The following BET1 variants were observed in gnomAD, a reference collection of about 807,000 sequenced individuals.
The protein encoded by BET1 is Bet1 golgi vesicular membrane trafficking protein, also known as BET1 homolog.
In BET1, 9 loss-of-function variants were observed where a neutral mutation model predicts 13.9. That is an observed-to-expected ratio of 0.65 (90% confidence interval 0.39 to 1.13). BET1 has a LOEUF of 1.13. BET1 is among the 50% of genes most tolerant of loss of function. BET1 has a pLI of 0.01. For missense variants in BET1, 127 were observed against 133.6 expected, an observed-to-expected ratio of 0.95 and a Z score of 0.24; for synonymous variants, 39 against 47.3, an observed-to-expected ratio of 0.82 and a Z score of 0.72.
chr7:93,991,001 A>G (rs1584139585), downstream of BET1, among the ~76,000 whole-genome samples: 1 of 152,176 alleles, frequency 6.6e-6, no homozygotes, highest in East Asian at 1.9e-4. Context: ...GACAAGGTGA[A>G]TTACTTGGCT....
At position 93,983,322 on chromosome 7, in the gene BET1, C is replaced by T. The variant is rs879848253; in HGVS notation, c.236-7222G>A. ...TTTCTTCATGCCATGACAAGATCAA[C>T]TCTTGTCTTTAAAATATTATTGCAT... On this transcript the variant is annotated intron_variant and NMD_transcript_variant, in intron 4 of 6. Coordinates refer to the BET1 transcript ENST00000357520. Among the ~76,000 whole-genome samples, 9 of 152,242 alleles carry T rather than the reference C, an allele frequency of 5.9e-5. No individual in the cohort carries two copies. In the South Asian group the frequency reaches 1.9e-3, roughly 32 times the overall value.
chr7:93,985,902 G>A (rs1795520587), intron 4 of BET1, among the ~76,000 whole-genome samples: 1 of 152,166 alleles, frequency 6.6e-6, no homozygotes, highest in African/African-American at 2.4e-5. Context: ...CACAGCCAAG[G>A]ACCTAGAGCA....
chr7:93,994,826 A>G (rs1248224468), intron 3 of BET1, among the ~76,000 whole-genome samples: 1 of 152,160 alleles, frequency 6.6e-6, no homozygotes, highest in Non-Finnish European at 1.5e-5. Context: ...TACGGTTAGC[A>G]GTTAAATGTA....
intron 6 of BET1, among the ~76,000 whole-genome samples, chr7:93,966,166 A>G (rs1196652038): frequency 2.0e-5 from 3 of 152,020 alleles, no homozygotes. Flanking sequence ...AAGAATCCAC[A>G]TCTCTCCTAT....
chr7:93,978,308 A>T (rs768421351), intron 4 of BET1, among the ~76,000 whole-genome samples: 1 of 152,130 alleles, frequency 6.6e-6, no homozygotes, highest in African/African-American at 2.4e-5. Context: ...GGCTCAAGCA[A>T]TCTGCCCACC....
intron 4 of BET1, among the ~76,000 whole-genome samples, chr7:93,987,545 G>C (rs974854687): frequency 6.6e-6 from 1 of 152,192 alleles, no homozygotes; most frequent in African/African-American, 2.4e-5. Context: ...ATTTCTAGGT[G>C]GGGGAGAGTT....
intron 3 of BET1, among the ~76,000 whole-genome samples, chr7:93,995,369 C>G (rs1028988478): frequency 6.6e-6 from 1 of 152,050 alleles, no homozygotes; most frequent in African/African-American, 2.4e-5. Flanking sequence ...ATTATAATAT[C>G]CTGAGATGTA....
intron 4 of BET1, among the ~76,000 whole-genome samples, chr7:93,982,954 A>G (rs891269370): frequency 2.6e-5 from 4 of 152,158 alleles, no homozygotes; most frequent in Admixed American, 2.6e-4. Context: ...GTTCTTTAGC[A>G]CTGACGTAAT....
intron 3 of BET1, chr7:93,995,925 C>G: frequency 2.8e-6 from 1 of 358,234 alleles, no homozygotes; most frequent in Non-Finnish European, 5.0e-6. Flanking sequence ...ATATCAAGTG[C>G]CTTTTGATTG....
chr7:93,994,118 A>G lies in BET1; in HGVS notation c.*112T>C. On this transcript the variant is annotated 3_prime_UTR_variant, in exon 4 of 4. Transcript: ENST00000222547. ...AATAAGCAAAATTCAGCAATTTTCA[A>G]TGGAAAATGCCACAGTATTTGAACA... 4 of 1,459,256 alleles carry G rather than the reference A, an allele frequency of 2.7e-6. No individual in the cohort carries two copies. The highest frequency in any genetic ancestry group is 3.6e-6 in the Non-Finnish European group (4 of 1,111,280). The allele number at this position is 1,459,256 out of a possible 1,614,324, so 90.4% of individuals were successfully genotyped here.
intron 3 of BET1, among the ~76,000 whole-genome samples, chr7:93,994,700 G>A (rs1169003200): frequency 1.3e-5 from 2 of 152,142 alleles, no homozygotes; most frequent in South Asian, 2.1e-4. Context: ...AACAATAAAT[G>A]TAAGTACTTT....
intron 4 of BET1, among the ~76,000 whole-genome samples, chr7:93,976,548 TAAATAA>T (rs1795340302): frequency 6.6e-6 from 1 of 152,124 alleles, no homozygotes; most frequent in Non-Finnish European, 1.5e-5. Context: ...AGTTCTCAGG[TAAATAA>T]AAAATGTAAT....
At chr7:93,968,917 T>G (rs1204055963) in intron 6 of BET1, among the ~76,000 whole-genome samples, 1 of 151,876 alleles carries the variant, frequency 6.6e-6, no homozygotes, top group African/African-American at 2.4e-5. Context: ...TTAGGGGATC[T>G]GTGTTCTTTT....
At chr7:93,997,527 A>G (rs1168117552) in intron 2 of BET1, among the ~76,000 whole-genome samples, 2 of 152,208 alleles carry the variant, frequency 1.3e-5, no homozygotes, top group African/African-American at 4.8e-5. Context: ...ATTATACAAT[A>G]TTACTTAGTT....
At chr7:93,999,317 G>A (rs1795843381) in intron 1 of BET1, 23 bp from the exon 2 acceptor site, 2 of 1,588,996 alleles carry the variant, frequency 1.3e-6, no homozygotes, top group East Asian at 2.3e-5. Flanking sequence ...GAGTCACAAA[G>A]GTGGTTCTAG....
chr7:94,002,326 T>C (rs1352974306), intron 1 of BET1, among the ~76,000 whole-genome samples: 1 of 151,940 alleles, frequency 6.6e-6, no homozygotes, highest in Non-Finnish European at 1.5e-5. Flanking sequence ...TCAATATGCA[T>C]TCATACTTTA....
At chr7:93,975,592 G>A (rs1444429516) in intron 5 of BET1, among the ~76,000 whole-genome samples, 6 of 152,124 alleles carry the variant, frequency 3.9e-5, no homozygotes, top group Middle Eastern at 3.4e-3. Flanking sequence ...TTTATATGAC[G>A]TATTAGAAAG....
intron 4 of BET1, among the ~76,000 whole-genome samples, chr7:93,979,225 TC>T: frequency 6.6e-6 from 1 of 152,084 alleles, no homozygotes; most frequent in Non-Finnish European, 1.5e-5. Flanking sequence ...CTAGGGAATG[TC>T]TCATAATAGG....
chr7:93,999,691 A>G (rs1795852406), intron 1 of BET1: 1 of 456,814 alleles, frequency 2.2e-6, no homozygotes, highest in Admixed American at 2.3e-5. Flanking sequence ...AGAGGAAGGG[A>G]AAAGTGGTTA....
Sources: gnomAD v4.1 joint callset for allele counts (sites outside exome capture counted in the v4.1 genomes callset) on GRCh38, gnomAD v4.1.1 for gene constraint, MANE v1.5 for transcripts, NCBI Gene and HGNC (gene_info 2026-07-23, HGNC 2026-07-21) for gene names.